HPSE2: variants seen among roughly 807,000 people sequenced by gnomAD.
HPSE2 encodes heparanase 2 (inactive), also known as inactive heparanase-2.
A neutral mutation model predicts 60.5 loss-of-function variants in HPSE2; 38 were observed. The ratio of observed to expected loss-of-function variants is 0.63; its 90% CI spans 0.48 to 0.82. HPSE2 has a LOEUF of 0.82. HPSE2 is among the 40% of genes least tolerant of loss of function. The pLI is 0.00. For synonymous variants in HPSE2, 295 were observed against 293.2 expected, an observed-to-expected ratio of 1.01 and a Z score of -0.06; for missense variants, 713 against 740.4, an observed-to-expected ratio of 0.96 and a Z score of 0.43.
rs764841601 is a variant in HPSE2 at position 98,744,068 on chromosome 10, C to T, written c.611-12G>A. ...GTCTAGAGACCTGGCTGGGAAGAAGCAGAGAAAGGCTTGTAACTTTCAAAT... is the reference window on the plus strand; with the variant it reads ...GTCTAGAGACCTGGCTGGGAAGAAGTAGAGAAAGGCTTGTAACTTTCAAAT... On this transcript the variant is annotated splice_polypyrimidine_tract_variant and intron_variant, in intron 3 of 11. Coordinates refer to ENST00000370552, the MANE Select transcript of HPSE2 (RefSeq NM_021828.5). 1.9e-6 allele frequency: 3 copies of T among 1,612,498 alleles called. No individual in the cohort carries two copies. The highest frequency in any genetic ancestry group is 1.7e-5 in the Admixed American group (1 of 59,818).
At chr10:98,524,347 G>T (rs1942894062) in intron 9 of HPSE2, among the ~76,000 whole-genome samples, 2 of 152,154 alleles carry the variant, frequency 1.3e-5, no homozygotes, top group African/African-American at 2.4e-5. Flanking sequence ...GCCAGTGGGG[G>T]ACTTCAATGA....
At chr10:98,972,249 T>C (rs1440222829) in intron 3 of HPSE2, among the ~76,000 whole-genome samples, 1 of 152,176 alleles carries the variant, frequency 6.6e-6, no homozygotes, top group East Asian at 1.9e-4. Context: ...TGTTGCTGTA[T>C]TCTTGTTGAT....
intron 3 of HPSE2, among the ~76,000 whole-genome samples, chr10:99,115,445 C>T (rs10883272): frequency 0.49 from 74,330 of 151,558 alleles, 20,637 homozygotes; most frequent in East Asian, 0.65. Flanking sequence ...TGAGCCACCA[C>T]GCTTGGCCAA....
intron 3 of HPSE2, among the ~76,000 whole-genome samples, chr10:98,877,360 G>T (rs1952905384): frequency 1.3e-5 from 2 of 151,820 alleles, no homozygotes; most frequent in African/African-American, 4.8e-5. Context: ...TTACTTGGAA[G>T]CAAGAAGTAC....
intron 3 of HPSE2, among the ~76,000 whole-genome samples, chr10:99,005,538 C>T (rs917702070): frequency 6.6e-6 from 1 of 152,086 alleles, no homozygotes; most frequent in African/African-American, 2.4e-5. Flanking sequence ...AAATTCCTCA[C>T]TTTGGTAGTT....
Position 98,541,813 on chromosome 10 carries a change from A to T in HPSE2, c.1321-51617T>A, listed in dbSNP as rs191197776. 8.2e-3 allele frequency among the ~76,000 whole-genome samples: 1,247 copies of T among 152,332 alleles called. 13 individuals are homozygous for T. Among genetic ancestry groups the T allele is most frequent in the African/African-American group, 0.029 (1,189 of 41,572 alleles). ...CCTTGCTTAGGTAAACAAAGCAGCC[A>T]GGAAGCTGGAACTGGGTGGAGCCCA... On this transcript the variant is annotated intron_variant, in intron 9 of 11. Transcript: ENST00000370552.
At chr10:99,009,654 T>G (rs1420299810) in intron 3 of HPSE2, among the ~76,000 whole-genome samples, 2 of 152,064 alleles carry the variant, frequency 1.3e-5, no homozygotes, top group Non-Finnish European at 2.9e-5. Flanking sequence ...AAACCACAAT[T>G]CATAGACTAT....
rs779671429 is a variant in HPSE2 at position 98,580,824 on chromosome 10, T to TTATATATA, written c.1320+34072_1320+34079dup. On this transcript the variant is annotated intron_variant, in intron 9 of 11. Transcript: ENST00000370552. ...CTGTTTAGTCAAGTTGTGCTTGGTT[T>TTATATATA]TATATATATATATGTGTGTGTGTGT... Among the ~76,000 whole-genome samples, 602 of 128,538 alleles carry TTATATATA rather than the reference T, an allele frequency of 4.7e-3. 20 individuals are homozygous for TTATATATA. The highest frequency in any genetic ancestry group is 0.012 in the African/African-American group (377 of 31,922). 84.3% of individuals were successfully genotyped at this position (128,538 alleles called of 152,430 possible).
At chr10:98,543,509 C>T (rs1196583537) in intron 9 of HPSE2, among the ~76,000 whole-genome samples, 1 of 152,078 alleles carries the variant, frequency 6.6e-6, no homozygotes, top group East Asian at 1.9e-4. Context: ...GGATTAAATG[C>T]TCCAATTAAA....
At chr10:99,119,099 G>GGGAGGGAGGGAA (rs1844840859) in intron 3 of HPSE2, among the ~76,000 whole-genome samples, 1 of 145,286 alleles carries the variant, frequency 6.9e-6, no homozygotes, top group Non-Finnish European at 1.5e-5. Context: ...GAGAGAGAGA[G>GGGAGGGAGGGAA]GGAGGGAGGG....
At chr10:98,765,234 T>A (rs1950094357) in intron 3 of HPSE2, among the ~76,000 whole-genome samples, 2 of 152,082 alleles carry the variant, frequency 1.3e-5, no homozygotes, top group African/African-American at 4.8e-5. Flanking sequence ...CTCATAACAC[T>A]CACCAAGACA....
chr10:98,491,206 AT>A (rs1941630549), intron 9 of HPSE2, among the ~76,000 whole-genome samples: 1 of 42,632 alleles, frequency 2.3e-5, no homozygotes, highest in Non-Finnish European at 8.4e-5. Context: ...CCTTCTGATA[AT>A]CTTTTTTTTT....
intron 5 of HPSE2, among the ~76,000 whole-genome samples, chr10:98,697,651 C>G (rs983721512): frequency 6.6e-6 from 1 of 152,074 alleles, no homozygotes; most frequent in African/African-American, 2.4e-5. Context: ...TCAGGAAATA[C>G]AGAGAACCGC....
At chr10:99,109,170 T>G (rs1844363478) in intron 3 of HPSE2, among the ~76,000 whole-genome samples, 1 of 152,180 alleles carries the variant, frequency 6.6e-6, no homozygotes, top group Admixed American at 6.5e-5. Context: ...GGCAAAATGT[T>G]ACTTCATTTC....
chr10:99,099,448 G>A (rs1028658549), intron 3 of HPSE2, among the ~76,000 whole-genome samples: 1 of 152,200 alleles, frequency 6.6e-6, no homozygotes, highest in Non-Finnish European at 1.5e-5. Context: ...CTGGGGGAGG[G>A]GTGACCGCCA....
chr10:99,033,326 A>C (rs1005059684), intron 3 of HPSE2, among the ~76,000 whole-genome samples: 1 of 152,166 alleles, frequency 6.6e-6, no homozygotes, highest in African/African-American at 2.4e-5. Context: ...AAGAAGGCAA[A>C]ATATGATTTC....
chr10:98,984,367 T>C (rs1956284174), intron 3 of HPSE2, among the ~76,000 whole-genome samples: 1 of 152,174 alleles, frequency 6.6e-6, no homozygotes, highest in Non-Finnish European at 1.5e-5. Flanking sequence ...CTGCTGCTGA[T>C]ACCCAGGCAA....
chr10:98,882,942 T>G (rs544049860), intron 3 of HPSE2, among the ~76,000 whole-genome samples: 74 of 152,230 alleles, frequency 4.9e-4, no homozygotes, highest in African/African-American at 1.7e-3. Flanking sequence ...TGTTATAAGA[T>G]TTGAACCTTC....
At chr10:99,068,781 A>G (rs746166447) in intron 3 of HPSE2, among the ~76,000 whole-genome samples, 2 of 152,232 alleles carry the variant, frequency 1.3e-5, no homozygotes, top group South Asian at 4.1e-4. Context: ...TGAATGAAAG[A>G]GGGCACATCA....
Sources: gnomAD v4.1 joint callset for allele counts (sites outside exome capture counted in the v4.1 genomes callset) on GRCh38, gnomAD v4.1.1 for gene constraint, MANE v1.5 for transcripts, NCBI Gene and HGNC (gene_info 2026-07-23, HGNC 2026-07-21) for gene names.